TENM3: variants seen among roughly 807,000 people sequenced by gnomAD.
TENM3 encodes the protein teneurin-3.
A neutral mutation model predicts 255.1 loss-of-function variants in TENM3; 63 were observed. The ratio of observed to expected loss-of-function variants is 0.25; its 90% CI spans 0.20 to 0.30. TENM3 has a LOEUF of 0.30. Among genes scored for constraint, TENM3 ranks in the 10% least tolerant of loss-of-function variants. TENM3 has a pLI of 1.00. For missense variants in TENM3, 2,929 were observed against 3,461.1 expected (o/e 0.85, Z 3.86); for synonymous variants, 1,306 against 1,322.3 (o/e 0.99, Z 0.27).
the TENM3 span, among the ~76,000 whole-genome samples, chr4:181,950,893 T>G: frequency 1.3e-5 from 2 of 151,844 alleles, no homozygotes; most frequent in Admixed American, 1.3e-4. Context: ...ATAAACAAAA[T>G]TAGCCAGGCA....
chr4:181,693,966 T>C, the TENM3 span, among the ~76,000 whole-genome samples: 5 of 152,158 alleles, frequency 3.3e-5, no homozygotes, highest in African/African-American at 7.2e-5. Flanking sequence ...ACACAAAATC[T>C]GTAGTCAGAA....
chr4:182,688,407 G>A (rs962691163), intron 12 of TENM3, 56 bp downstream of exon 12: 12 of 1,341,826 alleles, frequency 8.9e-6, no homozygotes, highest in Admixed American at 6.0e-5. Flanking sequence ...GAGCACCGAC[G>A]GTCAGCTGTT....
the TENM3 span, among the ~76,000 whole-genome samples, chr4:181,875,022 T>G: frequency 2.0e-5 from 3 of 152,228 alleles, no homozygotes; most frequent in Non-Finnish European, 2.9e-5. Context: ...GGGCCAGTTA[T>G]TCCCTCATGG....
At chr4:181,967,006 GCTCT>G in the TENM3 span, among the ~76,000 whole-genome samples, 19 of 145,208 alleles carry the variant, frequency 1.3e-4, no homozygotes, top group East Asian at 2.6e-3. Flanking sequence ...TCTCTCTCTC[GCTCT>G]CTCTCTCTCT....
chr4:181,488,550 A>T, the TENM3 span, among the ~76,000 whole-genome samples: 1 of 152,172 alleles, frequency 6.6e-6, no homozygotes, highest in Non-Finnish European at 1.5e-5. Flanking sequence ...TTTTACCATG[A>T]TTTGGGCCAA....
At chr4:181,554,848 G>C in the TENM3 span, among the ~76,000 whole-genome samples, 1 of 152,172 alleles carries the variant, frequency 6.6e-6, no homozygotes, top group African/African-American at 2.4e-5. Context: ...CCAGCTCCAA[G>C]TGCTTATTCC....
At chr4:181,550,975 T>G in the TENM3 span, among the ~76,000 whole-genome samples, 1 of 152,210 alleles carries the variant, frequency 6.6e-6, no homozygotes, top group Non-Finnish European at 1.5e-5. Context: ...ACCTTTCAGA[T>G]GATTAGTGCT....
chr4:182,151,667 AAAAAC>A (rs779988079), intron 1 of TENM3, among the ~76,000 whole-genome samples: 2 of 152,062 alleles, frequency 1.3e-5, no homozygotes, highest in Admixed American at 1.3e-4. Flanking sequence ...TTAGGAGCAA[AAAAAC>A]AAAACAAAAC....
chr4:182,287,759 G>A (rs376232851), intron 1 of TENM3, among the ~76,000 whole-genome samples: 5 of 151,390 alleles, frequency 3.3e-5, no homozygotes, highest in East Asian at 3.9e-4. Context: ...GACTACAGGC[G>A]CCCTCCACCA....
At position 182,792,423 on chromosome 4, in the gene TENM3, C is replaced by T; in HGVS notation, c.5751C>T (p.Pro1917=). Reference sequence around the variant, plus strand: ...GCTACTACCGCAACATATACAACCCCCCGGAAAGCAACGCCTCCATCATCA... The same window carrying T: ...GCTACTACCGCAACATATACAACCCTCCGGAAAGCAACGCCTCCATCATCA... The part of the protein sequence containing the change: ...SIGYYRNIYN[P]PESNASIITD... The change falls in exon 26 of 28, where the codon CCC becomes CCT. Residue 1917 remains proline (P), a synonymous_variant. Coordinates refer to ENST00000511685, the MANE Select transcript of TENM3 (RefSeq NM_001080477.4). This position sits in a 1 kb window ranked among gnomAD's most constrained non-coding sequence, Gnocchi z 6.3. 4 of 1,614,050 alleles carry T rather than the reference C, an allele frequency of 2.5e-6. No individual in the cohort carries two copies. The highest frequency in any genetic ancestry group is 3.4e-6 in the Non-Finnish European group (4 of 1,179,908).
chr4:181,948,046 C>T, the TENM3 span, among the ~76,000 whole-genome samples: 4 of 152,140 alleles, frequency 2.6e-5, no homozygotes, highest in Non-Finnish European at 4.4e-5. Context: ...TCTGAGACAG[C>T]CTTAGTAAAG....
At chr4:181,738,636 T>C in the TENM3 span, among the ~76,000 whole-genome samples, 24 of 152,252 alleles carry the variant, frequency 1.6e-4, 1 homozygote, top group South Asian at 4.8e-3. Flanking sequence ...CGAGTCCCTG[T>C]ATTTTTAGAT....
chr4:181,646,871 A>G, the TENM3 span, among the ~76,000 whole-genome samples: 1 of 152,210 alleles, frequency 6.6e-6, no homozygotes, highest in Admixed American at 6.5e-5. Flanking sequence ...AAACATTGAG[A>G]AGACTTAGGA....
chr4:182,494,282 T>C (rs1489778728), intron 3 of TENM3, among the ~76,000 whole-genome samples: 1 of 152,254 alleles, frequency 6.6e-6, no homozygotes, highest in Non-Finnish European at 1.5e-5. Flanking sequence ...TCCCCCCTGA[T>C]CACTTTTGGC....
the TENM3 span, among the ~76,000 whole-genome samples, chr4:181,602,903 A>T: frequency 6.6e-6 from 1 of 152,126 alleles, no homozygotes; most frequent in Non-Finnish European, 1.5e-5. Flanking sequence ...AAAGTTAGAA[A>T]TTTTTTTAAA....
the TENM3 span, among the ~76,000 whole-genome samples, chr4:181,963,728 C>T: frequency 8.5e-5 from 13 of 152,158 alleles, no homozygotes; most frequent in South Asian, 2.1e-4. Flanking sequence ...GTGGATAGAA[C>T]GCAAAGATGA....
the TENM3 span, among the ~76,000 whole-genome samples, chr4:181,842,080 A>G: frequency 1.3e-5 from 2 of 152,108 alleles, no homozygotes; most frequent in Admixed American, 6.5e-5. Flanking sequence ...TGCAAAATTA[A>G]AAGAATATAT....
intron 3 of TENM3, among the ~76,000 whole-genome samples, chr4:182,360,292 C>T (rs1046206692): frequency 2.3e-5 from 3 of 129,174 alleles, no homozygotes; most frequent in African/African-American, 6.0e-5. Flanking sequence ...CTTTCTGTCT[C>T]GTTGATCTGT....
At chr4:181,831,069 T>C in the TENM3 span, among the ~76,000 whole-genome samples, 3 of 152,276 alleles carry the variant, frequency 2.0e-5, no homozygotes, top group Non-Finnish European at 4.4e-5. Context: ...TTTTTCATAA[T>C]TCATGACAAT....
Sources: allele counts gnomAD v4.1 joint callset (sites outside exome capture counted in the v4.1 genomes callset), GRCh38; gene constraint gnomAD v4.1.1; non-coding constraint Gnocchi (gnomAD v3.1); transcripts MANE v1.5; gene names NCBI Gene and HGNC (gene_info 2026-07-23, HGNC 2026-07-21).